Variants in CXADR observed in about 807,000 individuals in gnomAD.
The protein encoded by CXADR is coxsackievirus and adenovirus receptor.
CXADR carries 20 observed loss-of-function variants against 40.3 expected under a neutral mutation model. That is an observed-to-expected ratio of 0.50 (90% CI 0.35 to 0.72). The LOEUF is 0.72. Ranked by LOEUF, CXADR falls within the 30% of genes least tolerant of loss-of-function variation. CXADR has a pLI of 0.01. For missense variants in CXADR, 332 were observed against 449.1 expected, an observed-to-expected ratio of 0.74 and a Z score of 2.36; for synonymous variants, 150 against 161.3, an observed-to-expected ratio of 0.93 and a Z score of 0.53.
the CXADR span, among the ~76,000 whole-genome samples, chr21:17,601,488 C>G: frequency 6.6e-6 from 1 of 152,174 alleles, no homozygotes; most frequent in African/African-American, 2.4e-5. Context: ...CATGCCACCG[C>G]ATTCCAGCCT....
chr21:17,565,779 A>G lies in CXADR; in HGVS notation c.*87A>G. 2 of 1,514,116 alleles carry G rather than the reference A, an allele frequency of 1.3e-6. No individual in the cohort carries two copies. Among genetic ancestry groups the G allele is most frequent in the South Asian group, 1.4e-5 (1 of 72,072 alleles). 93.8% of individuals were successfully genotyped at this position (1,514,116 alleles called of 1,614,324 possible). A position where few individuals can be genotyped will look rare whatever the true frequency, so the allele number is the denominator to read the frequency against. ...CTATTCTGGTCTAAATTGTGTTACT[A>G]GCCTCAAAATACATCAAAAAATAAG... On this transcript the variant is annotated 3_prime_UTR_variant, in exon 7 of 7. Coordinates refer to ENST00000284878, the MANE Select transcript of CXADR (RefSeq NM_001338.5).
chr21:17,620,888 C>T, the CXADR span, among the ~76,000 whole-genome samples: 1 of 152,098 alleles, frequency 6.6e-6, no homozygotes, highest in South Asian at 2.1e-4. Context: ...CTAGCAAGTT[C>T]GAAATCTACA....
intron 1 of CXADR, among the ~76,000 whole-genome samples, chr21:17,532,896 TG>T (rs1434016927): frequency 6.6e-6 from 1 of 152,228 alleles, no homozygotes; most frequent in Non-Finnish European, 1.5e-5. Flanking sequence ...AAATTGCCTG[TG>T]GCCAAGCATT....
Position 17,580,605 on chromosome 21 carries a change from G to T in CXADR, c.1018-12547G>T, listed in dbSNP as rs1018825967. On this transcript the variant is annotated intron_variant, in intron 7 of 7. Coordinates refer to the CXADR transcript ENST00000400169. Reference sequence around the variant, plus strand: ...GGCCTGGGTGACAGAGTGAGGCCTTGTCTCAAAACCAAAAATACATAAATA... The same window carrying T: ...GGCCTGGGTGACAGAGTGAGGCCTTTTCTCAAAACCAAAAATACATAAATA... 2.6e-5 allele frequency among the ~76,000 whole-genome samples: 4 copies of T among 152,088 alleles called. No homozygotes were observed. In the East Asian group the frequency reaches 7.7e-4, roughly 29 times the overall value.
chr21:17,545,093 T>TTG (rs2060879161), intron 1 of CXADR, among the ~76,000 whole-genome samples: 1 of 133,096 alleles, frequency 7.5e-6, no homozygotes, highest in Non-Finnish European at 1.6e-5. Flanking sequence ...TTTTTTTTTT[T>TTG]TTTTGGTGGG....
At chr21:17,533,243 C>T (rs2060701092) in intron 1 of CXADR, among the ~76,000 whole-genome samples, 1 of 152,146 alleles carries the variant, frequency 6.6e-6, no homozygotes, top group South Asian at 2.1e-4. Context: ...CCTAGTCTGA[C>T]ATTTATTTTT....
chr21:17,598,648 G>A, the CXADR span: 89 of 1,613,908 alleles, frequency 5.5e-5, no homozygotes, highest in Admixed American at 6.7e-5. Context: ...TGCAGTCACC[G>A]AACTGGGTTT....
the CXADR span, among the ~76,000 whole-genome samples, chr21:17,599,731 C>T: frequency 2.8e-4 from 42 of 152,174 alleles, no homozygotes; most frequent in Non-Finnish European, 4.1e-4. Flanking sequence ...CCACCCGCCT[C>T]GGCCTCCCAA....
rs532318886 is a variant in CXADR at position 17,515,655 on chromosome 21, CA to C, written c.43+2490del. On this transcript the variant is annotated intron_variant, in intron 1 of 6. Transcript: ENST00000284878. ...TGAAACCCCGTCCCTACTAAAAATA[CA>C]AAAAAATTAGCCGAGCCTGGTGGCA... Among the ~76,000 whole-genome samples, 613 of 152,014 alleles carry C rather than the reference CA, an allele frequency of 4.0e-3. 2 individuals carry two copies. Among genetic ancestry groups the C allele is most frequent in the African/African-American group, 0.014 (598 of 41,464 alleles).
chr21:17,545,718 A>AT (rs2060887540), intron 1 of CXADR, among the ~76,000 whole-genome samples: 1 of 152,142 alleles, frequency 6.6e-6, no homozygotes, highest in African/African-American at 2.4e-5. Context: ...GAAGGGAAAT[A>AT]AAAAGGGATG....
chr21:17,601,039 T>C, the CXADR span, among the ~76,000 whole-genome samples: 1 of 152,070 alleles, frequency 6.6e-6, no homozygotes, highest in East Asian at 1.9e-4. Context: ...GGTGTGCGCC[T>C]GTAATCCCAG....
chr21:17,618,239 G>A, the CXADR span, among the ~76,000 whole-genome samples: 8 of 152,202 alleles, frequency 5.3e-5, no homozygotes, highest in South Asian at 8.3e-4. Flanking sequence ...CAGCAATTCA[G>A]CCACATCTTC....
At chr21:17,627,593 T>G in the CXADR span, among the ~76,000 whole-genome samples, 1 of 152,066 alleles carries the variant, frequency 6.6e-6, no homozygotes, top group African/African-American at 2.4e-5. Flanking sequence ...GTCAAGACCA[T>G]CGGGAAATAT....
intron 5 of CXADR, 121 bp downstream of exon 5, chr21:17,560,945 G>A (rs2061110085): frequency 2.9e-6 from 4 of 1,392,306 alleles, no homozygotes; most frequent in African/African-American, 1.4e-5. Flanking sequence ...GAACACTGTG[G>A]TTTGATTATT....
At position 17,561,325 on chromosome 21, in the gene CXADR, C is replaced by G; in HGVS notation, c.695-13C>G. ...ATGTATATATTTTTTACTATTAATT[C>G]TTCTTATTTTAGCTTCAAATAAAGC... On this transcript the variant is annotated splice_polypyrimidine_tract_variant and intron_variant, in intron 5 of 6. Coordinates refer to ENST00000284878, the MANE Select transcript of CXADR (RefSeq NM_001338.5). 2 of 1,496,958 alleles carry G rather than the reference C, an allele frequency of 1.3e-6. No homozygotes were observed. The highest frequency in any genetic ancestry group is 2.4e-4 in the Middle Eastern group (1 of 4,108). 92.7% of individuals were successfully genotyped at this position (1,496,958 alleles called of 1,614,324 possible). A position where few individuals can be genotyped will look rare whatever the true frequency, so the allele number is the denominator to read the frequency against.
chr21:17,608,389 C>G, the CXADR span, among the ~76,000 whole-genome samples: 2 of 151,644 alleles, frequency 1.3e-5, no homozygotes, highest in African/African-American at 4.8e-5. Context: ...AAAAAAACTC[C>G]CAGAAAAGCA....
chr21:17,513,908 T>C (rs892683577), intron 1 of CXADR, among the ~76,000 whole-genome samples: 11 of 152,200 alleles, frequency 7.2e-5, no homozygotes, highest in African/African-American at 2.4e-4. Flanking sequence ...GAGTCGTTCA[T>C]TTTGGAGATA....
chr21:17,544,175 G>T (rs1198349750), intron 1 of CXADR, among the ~76,000 whole-genome samples: 2 of 152,168 alleles, frequency 1.3e-5, no homozygotes, highest in Admixed American at 1.3e-4. Context: ...AAAAATCATT[G>T]TAGGGTGGAG....
chr21:17,545,021 T>G (rs1289791153), intron 1 of CXADR, among the ~76,000 whole-genome samples: 1 of 151,440 alleles, frequency 6.6e-6, no homozygotes, highest in Non-Finnish European at 1.5e-5. Flanking sequence ...AAGATAGTCA[T>G]GTGGAGAATT....
Sources: allele counts gnomAD v4.1 joint callset (sites outside exome capture counted in the v4.1 genomes callset), GRCh38; gene constraint gnomAD v4.1.1; transcripts MANE v1.5; gene names NCBI Gene and HGNC (gene_info 2026-07-23, HGNC 2026-07-21).